The following OTOGL variants were observed in gnomAD, a reference collection of about 807,000 sequenced individuals.
The protein encoded by OTOGL is otogelin like.
In OTOGL, 285 loss-of-function variants were observed where a neutral mutation model predicts 318.5. The ratio of observed to expected loss-of-function variants is 0.89; its 90% CI spans 0.81 to 0.99. OTOGL has a LOEUF of 0.99. Among genes scored for constraint, OTOGL ranks in the 50% least tolerant of loss-of-function variants. The pLI is 0.00. For missense variants in OTOGL, 2,899 were observed against 2,845.6 expected (o/e 1.02, Z -0.43); for synonymous variants, 987 against 936.5 (o/e 1.05, Z -0.99).
At chr12:80,146,758 G>A (rs1431259009) in intron 1 of OTOGL, among the ~76,000 whole-genome samples, 1 of 151,362 alleles carries the variant, frequency 6.6e-6, no homozygotes, top group Non-Finnish European at 1.5e-5. Context: ...TCTATTCAGA[G>A]ATTCAACTTC....
intron 12 of OTOGL, 105 bp downstream of exon 12, chr12:80,251,904 T>C (rs1207358354): frequency 8.3e-7 from 1 of 1,210,250 alleles, no homozygotes; most frequent in Non-Finnish European, 1.1e-6. Context: ...TTGCAAGGAT[T>C]TGTTATTGAG....
intron 7 of OTOGL, among the ~76,000 whole-genome samples, chr12:80,223,868 A>C (rs1272923407): frequency 6.6e-6 from 1 of 151,366 alleles, no homozygotes; most frequent in Non-Finnish European, 1.5e-5. Flanking sequence ...ATTTTCTTCC[A>C]CTCTGTGACT....
chr12:80,197,143 TC>T (rs1378847555), intron 1 of OTOGL, among the ~76,000 whole-genome samples: 1 of 152,208 alleles, frequency 6.6e-6, no homozygotes, highest in African/African-American at 2.4e-5. Flanking sequence ...AAATTTTAAA[TC>T]TACCTATAAC....
rs141699361 is a variant in OTOGL, at chr12:80,103,196, G to A, written c.-20+3591G>A. 2.7e-3 allele frequency: 3,852 copies of A among 1,401,602 alleles called. 13 individuals are homozygous for A. The highest frequency in any genetic ancestry group is 3.5e-3 in the Non-Finnish European group (3,484 of 990,486). 86.8% of individuals were successfully genotyped at this position (1,401,602 alleles called of 1,614,324 possible). A position where few individuals can be genotyped will look rare whatever the true frequency, so the allele number is the denominator to read the frequency against. The stretch of plus-strand genomic sequence containing the variant: ...CTTCATCGTCCTTTCGGATGGGCAT[G>A]GATCGCTCGTTGTACTTCTGTCTCA... On this transcript the variant is annotated intron_variant, in intron 1 of 58. Coordinates refer to ENST00000547103, the MANE Select transcript of OTOGL (RefSeq NM_001378609.3).
At chr12:80,271,848 T>G (rs1006307679) in intron 24 of OTOGL, 38 bp downstream of exon 24, 1 of 1,568,118 alleles carries the variant, frequency 6.4e-7, no homozygotes, top group African/African-American at 1.4e-5. Context: ...ATTCAGGATT[T>G]GCCTGAAAGC....
At chr12:80,241,455 T>C (rs932740217) in intron 11 of OTOGL, among the ~76,000 whole-genome samples, 2 of 151,786 alleles carry the variant, frequency 1.3e-5, no homozygotes, top group African/African-American at 4.9e-5. Flanking sequence ...CTATAGCTCT[T>C]TGTTGTTGTT....
chr12:80,133,662 G>GAA, intron 1 of OTOGL: 1 of 147,544 alleles, frequency 6.8e-6, no homozygotes, highest in Non-Finnish European at 1.5e-5. Context: ...GTGTGATCAA[G>GAA]AAAAAAAAAA....
At chr12:80,150,059 C>T (rs1306713019) in intron 1 of OTOGL, among the ~76,000 whole-genome samples, 7 of 152,272 alleles carry the variant, frequency 4.6e-5, no homozygotes, top group Admixed American at 2.0e-4. Context: ...TGTTCCTATT[C>T]GGCCATCTTG....
At chr12:80,328,349 CAA>C (rs1200554145) in intron 35 of OTOGL, among the ~76,000 whole-genome samples, 45 of 151,884 alleles carry the variant, frequency 3.0e-4, no homozygotes, top group African/African-American at 9.9e-4. Flanking sequence ...ACAACAACAA[CAA>C]CACCTTAATA....
chr12:80,306,262 G>T (rs1254089828), intron 29 of OTOGL, among the ~76,000 whole-genome samples: 1 of 152,094 alleles, frequency 6.6e-6, no homozygotes, highest in Non-Finnish European at 1.5e-5. Flanking sequence ...TATAAAGAAG[G>T]GACATGTCTG....
At chr12:80,251,954 A>T (rs1175012144) in intron 12 of OTOGL, 122 bp from the exon 13 acceptor site, 1 of 1,185,486 alleles carries the variant, frequency 8.4e-7, no homozygotes, top group Non-Finnish European at 1.1e-6. Context: ...CAAGTATGCA[A>T]TTTTTTTGCA....
chr12:80,227,918 C>G (rs929416703), intron 7 of OTOGL, among the ~76,000 whole-genome samples: 1 of 152,098 alleles, frequency 6.6e-6, no homozygotes, highest in Non-Finnish European at 1.5e-5. Context: ...TAATATTTCT[C>G]CTTAATATCA....
At chr12:80,287,590 G>T (rs902478942) in intron 26 of OTOGL, among the ~76,000 whole-genome samples, 1 of 152,158 alleles carries the variant, frequency 6.6e-6, no homozygotes, top group Non-Finnish European at 1.5e-5. Context: ...CCAGTATTGG[G>T]TGCGTATGTA....
At chr12:80,295,468 C>T (rs909863729) in intron 26 of OTOGL, among the ~76,000 whole-genome samples, 4 of 152,260 alleles carry the variant, frequency 2.6e-5, no homozygotes, top group African/African-American at 7.2e-5. Context: ...TGAGCCACCG[C>T]GTCTGGCCTA....
At chr12:80,227,535 T>G (rs1422148958) in intron 7 of OTOGL, among the ~76,000 whole-genome samples, 2 of 152,212 alleles carry the variant, frequency 1.3e-5, no homozygotes, top group Non-Finnish European at 2.9e-5. Context: ...TCTGGATATA[T>G]GCATGGGAGC....
chr12:80,116,413 G>T lies in OTOGL; in HGVS notation c.-20+16808G>T, dbSNP rs767424475. On this transcript the variant is annotated intron_variant, in intron 1 of 58. Coordinates refer to ENST00000547103, the MANE Select transcript of OTOGL (RefSeq NM_001378609.3). ...TAACAAGTCCCAGTGAGATGAACTG[G>T]GTACCTCAGTTGGAAATGCAGAAAT... Among the ~76,000 whole-genome samples, 5 of 151,926 alleles carry T rather than the reference G, an allele frequency of 3.3e-5. No homozygotes were observed. The East Asian group carries it at 5.8e-4, about 18-fold the overall frequency.
chr12:80,329,360 A>C (rs999373344), intron 37 of OTOGL, among the ~76,000 whole-genome samples: 1 of 152,214 alleles, frequency 6.6e-6, no homozygotes, highest in Admixed American at 6.5e-5. Context: ...TACAGGCATG[A>C]GCCACACTGC....
rs7304059 is a variant in OTOGL, at chr12:80,329,256, T to C, written c.4348+137T>C. 0.055 allele frequency: 35,059 copies of C among 639,092 alleles called. 3,482 individuals carry two copies. The highest frequency in any genetic ancestry group is 0.34 in the African/African-American group (17,341 of 51,250). The allele number at this position is 639,092 out of a possible 1,614,324, so 39.6% of individuals were successfully genotyped here. A position where few individuals can be genotyped will look rare whatever the true frequency, so the allele number is the denominator to read the frequency against. On this transcript the variant is annotated intron_variant, in intron 37 of 58. Transcript: ENST00000547103. The stretch of plus-strand genomic sequence containing the variant: ...TAGGAAACCCAGCAGTCACTTTTGC[T>C]TCATTAAGCTTGTCCATTGGCTCAA...
At chr12:80,262,224 C>A in intron 19 of OTOGL, 131 bp downstream of exon 19, 1 of 971,994 alleles carries the variant, frequency 1.0e-6, no homozygotes, top group Admixed American at 3.7e-5. Context: ...TGCCATTCCT[C>A]GTGTATTTTT....
Sources: gnomAD v4.1 joint callset for allele counts (sites outside exome capture counted in the v4.1 genomes callset) on GRCh38, gnomAD v4.1.1 for gene constraint, MANE v1.5 for transcripts, NCBI Gene and HGNC (gene_info 2026-07-23, HGNC 2026-07-21) for gene names.